Variants in ABCD3 observed in about 807,000 individuals in gnomAD.
ABCD3 encodes ATP binding cassette subfamily D member 3.
A neutral mutation model predicts 105.5 loss-of-function variants in ABCD3; 41 were observed. The ratio of observed to expected loss-of-function variants is 0.39; its 90% CI spans 0.30 to 0.50. The LOEUF (loss-of-function observed/expected upper bound fraction) is 0.50. Among genes scored for constraint, ABCD3 ranks in the 20% least tolerant of loss-of-function variants. The probability of loss-of-function intolerance (pLI) is 0.84; values close to 1 mark genes in which losing one functional copy is unlikely to be tolerated. For missense variants in ABCD3, 622 were observed against 806.3 expected, an observed-to-expected ratio of 0.77 and a Z score of 2.77; for synonymous variants, 258 against 269.0, an observed-to-expected ratio of 0.96 and a Z score of 0.40.
intron 20 of ABCD3, among the ~76,000 whole-genome samples, chr1:94,503,171 C>G (rs147665442): frequency 1.5e-4 from 23 of 152,244 alleles, no homozygotes; most frequent in African/African-American, 5.3e-4. Context: ...GACACTCCTG[C>G]TTTACAACTT....
intron 1 of ABCD3, among the ~76,000 whole-genome samples, chr1:94,448,846 T>A (rs1660459269): frequency 1.3e-5 from 2 of 152,172 alleles, no homozygotes; most frequent in Non-Finnish European, 2.9e-5. Flanking sequence ...GTGGAAAAAA[T>A]GAATCTGTCC....
intron 1 of ABCD3, among the ~76,000 whole-genome samples, chr1:94,426,904 G>A (rs1421060421): frequency 7.0e-6 from 1 of 143,820 alleles, no homozygotes; most frequent in Non-Finnish European, 1.5e-5. Context: ...ACTTATTTTT[G>A]GTTGGGCACA....
intron 16 of ABCD3, among the ~76,000 whole-genome samples, chr1:94,498,126 T>A (rs966645137): frequency 6.6e-6 from 1 of 152,166 alleles, no homozygotes; most frequent in African/African-American, 2.4e-5. Context: ...TCAGCCTAGG[T>A]GACATCATAG....
intron 2 of ABCD3, 92 bp downstream of exon 2, chr1:94,458,735 T>G: frequency 2.3e-6 from 3 of 1,305,290 alleles, no homozygotes; most frequent in Non-Finnish European, 3.3e-6. Flanking sequence ...AATTTTATAA[T>G]TAGTAGGGAA....
At chr1:94,448,301 A>C (rs1346186259) in intron 1 of ABCD3, among the ~76,000 whole-genome samples, 2 of 152,228 alleles carry the variant, frequency 1.3e-5, no homozygotes, top group African/African-American at 4.8e-5. Flanking sequence ...TTTTATAAAT[A>C]GTCTTACTTG....
At chr1:94,389,878 A>T in the ABCD3 span, among the ~76,000 whole-genome samples, 20 of 152,198 alleles carry the variant, frequency 1.3e-4, no homozygotes, top group Admixed American at 6.5e-4. Context: ...CATCGGGTCC[A>T]ATTAGCATGA....
chr1:94,392,633 G>A, the ABCD3 span, among the ~76,000 whole-genome samples: 122 of 152,182 alleles, frequency 8.0e-4, 1 homozygote, highest in East Asian at 0.014. Context: ...TTCCTTTTCC[G>A]TAAATACATC....
At chr1:94,449,528 A>G (rs1159723289) in intron 1 of ABCD3, among the ~76,000 whole-genome samples, 2 of 152,238 alleles carry the variant, frequency 1.3e-5, no homozygotes, top group Non-Finnish European at 2.9e-5. Flanking sequence ...ACACAGTTAC[A>G]CATGCTTTCT....
At chr1:94,517,029 T>C (rs199788314) in intron 22 of ABCD3, 23 bp from the exon 23 acceptor site, 2 of 1,560,880 alleles carry the variant, frequency 1.3e-6, no homozygotes, top group East Asian at 4.5e-5. Context: ...TTACTGACTT[T>C]TTTTCCCCCT....
At chr1:94,390,708 G>A in the ABCD3 span, among the ~76,000 whole-genome samples, 10 of 152,154 alleles carry the variant, frequency 6.6e-5, no homozygotes, top group Non-Finnish European at 1.5e-4. Context: ...AAGGACAGTT[G>A]CAAGTGTCTT....
At chr1:94,444,310 G>C (rs377397341) in intron 1 of ABCD3, among the ~76,000 whole-genome samples, 36 of 148,590 alleles carry the variant, frequency 2.4e-4, no homozygotes, top group African/African-American at 8.9e-4. Flanking sequence ...CTAGCCGGGG[G>C]GGCAGAGCGA....
intron 1 of ABCD3, chr1:94,432,791 A>G (rs1319518873): frequency 6.6e-6 from 1 of 152,202 alleles, no homozygotes; most frequent in Admixed American, 6.5e-5. Context: ...TCTATTTGCT[A>G]TATTAAGTCA....
rs779000749 is a variant in ABCD3, at chr1:94,489,853, A to G, written c.1249+37A>G. On this transcript the variant is annotated intron_variant, in intron 14 of 22. Transcript: ENST00000370214. ...TGTCACAGTTTAAGGTCACAATTTT[A>G]AGTGTTTGCTGACATAATATGATGC... The G allele has an allele frequency of 2.5e-6, 4 of 1,611,506 alleles. No individual in the cohort carries two copies. In the South Asian group the frequency reaches 4.4e-5, roughly 18 times the overall value.
At chr1:94,418,213 G>A (rs1659096773), upstream of ABCD3, among the ~76,000 whole-genome samples, 1 of 152,186 alleles carries the variant, frequency 6.6e-6, no homozygotes, top group African/African-American at 2.4e-5. Flanking sequence ...CGTTTCCGGA[G>A]ACCCTGAAGG....
At chr1:94,456,042 C>T (rs554426290) in intron 1 of ABCD3, among the ~76,000 whole-genome samples, 55 of 152,098 alleles carry the variant, frequency 3.6e-4, no homozygotes, top group Admixed American at 1.0e-3. Flanking sequence ...ATTCATCTTG[C>T]GTGACTGAAC....
At chr1:94,511,118 A>G (rs1461168432) in intron 21 of ABCD3, among the ~76,000 whole-genome samples, 1 of 152,016 alleles carries the variant, frequency 6.6e-6, no homozygotes, top group Non-Finnish European at 1.5e-5. Context: ...ATGATTTTGC[A>G]GCGGCTGGTA....
the ABCD3 span, among the ~76,000 whole-genome samples, chr1:94,402,428 C>T: frequency 4.6e-5 from 7 of 152,120 alleles, no homozygotes; most frequent in East Asian, 1.4e-3. Flanking sequence ...TATGTGTGTG[C>T]TCTTTATGTA....
chr1:94,404,736 A>G, the ABCD3 span, among the ~76,000 whole-genome samples: 1 of 152,016 alleles, frequency 6.6e-6, no homozygotes, highest in East Asian at 1.9e-4. Flanking sequence ...ATATATGTAT[A>G]TATCTTTATT....
chr1:94,413,223 A>G, the ABCD3 span, among the ~76,000 whole-genome samples: 3 of 152,116 alleles, frequency 2.0e-5, no homozygotes, highest in Non-Finnish European at 4.4e-5. Flanking sequence ...CTTTTAAAAA[A>G]TTCATTCTTT....
Sources: gnomAD v4.1 joint callset for allele counts (sites outside exome capture counted in the v4.1 genomes callset) on GRCh38, gnomAD v4.1.1 for gene constraint, MANE v1.5 for transcripts, NCBI Gene and HGNC (gene_info 2026-07-23, HGNC 2026-07-21) for gene names.